Variants in SPART observed in about 807,000 individuals in gnomAD.
SPART encodes spartin.
SPART carries 35 observed loss-of-function variants against 58.7 expected under a neutral mutation model. The ratio of observed to expected loss-of-function variants is 0.60; its 90% confidence interval spans 0.46 to 0.79. The LOEUF is 0.79. Ranked by LOEUF, SPART falls within the 30% of genes least tolerant of loss-of-function variation. The probability of loss-of-function intolerance (pLI) is 0.00; values close to 1 mark genes in which losing one functional copy is unlikely to be tolerated. For synonymous variants in SPART, 284 were observed against 280.7 expected, an observed-to-expected ratio of 1.01 and a Z score of -0.12; for missense variants, 730 against 786.1, an observed-to-expected ratio of 0.93 and a Z score of 0.85.
intron 1 of SPART, among the ~76,000 whole-genome samples, chr13:36,339,057 A>C (rs550613418): frequency 1.3e-5 from 2 of 152,216 alleles, no homozygotes; most frequent in East Asian, 3.9e-4. Flanking sequence ...AGAGCAATGT[A>C]ATTTGGTTGA....
intron 1 of SPART, among the ~76,000 whole-genome samples, chr13:36,353,702 TA>T (rs1885510678): frequency 6.6e-6 from 1 of 152,178 alleles, no homozygotes; most frequent in South Asian, 2.1e-4. Flanking sequence ...ACCAGAACTG[TA>T]ATTAGGAAAG....
intron 1 of SPART, among the ~76,000 whole-genome samples, chr13:36,339,884 TAGTG>T (rs1884411041): frequency 1.3e-5 from 2 of 151,676 alleles, no homozygotes; most frequent in African/African-American, 4.8e-5. Flanking sequence ...CTGGGCAACA[TAGTG>T]AGACCAGCTC....
intron 1 of SPART, among the ~76,000 whole-genome samples, chr13:36,367,155 A>G (rs1327487785): frequency 1.3e-5 from 2 of 152,150 alleles, no homozygotes; most frequent in Non-Finnish European, 2.9e-5. Context: ...CATCTCCGGA[A>G]AAGTTTCTTG....
intron 1 of SPART, among the ~76,000 whole-genome samples, chr13:36,342,518 T>C (rs1884677129): frequency 1.3e-5 from 2 of 152,282 alleles, no homozygotes; most frequent in South Asian, 2.1e-4. Context: ...AAATCAGGGT[T>C]TCTCAGTCTT....
intron 1 of SPART, chr13:36,365,481 G>T: frequency 5.8e-6 from 2 of 344,012 alleles, no homozygotes; most frequent in South Asian, 4.8e-5. Context: ...CATTTTGTTT[G>T]TTTTTGCAAA....
chr13:36,307,172 T>C (rs569320644), intron 8 of SPART, among the ~76,000 whole-genome samples: 133 of 152,240 alleles, frequency 8.7e-4, no homozygotes, highest in Non-Finnish European at 1.4e-3. Context: ...TTAAACAAAT[T>C]TACTTTAATT....
upstream of SPART, among the ~76,000 whole-genome samples, chr13:36,346,996 A>G (rs532105065): frequency 1.3e-5 from 2 of 152,352 alleles, no homozygotes; most frequent in African/African-American, 4.8e-5. Context: ...GTGTGTGTGT[A>G]AAGTCTATAT....
intron 8 of SPART, among the ~76,000 whole-genome samples, chr13:36,311,825 C>T (rs895839390): frequency 3.9e-5 from 6 of 152,056 alleles, no homozygotes; most frequent in Admixed American, 1.3e-4. Context: ...TGGTGGCTTA[C>T]GCCTGTAATC....
chr13:36,330,887 A>T (rs1210675293), intron 3 of SPART, among the ~76,000 whole-genome samples: 1 of 152,198 alleles, frequency 6.6e-6, no homozygotes, highest in African/African-American at 2.4e-5. Flanking sequence ...TCAGAATGCC[A>T]ACCATACCCC....
intron 8 of SPART, 60 bp downstream of exon 8, chr13:36,312,085 C>G (rs1228306580): frequency 1.3e-6 from 2 of 1,529,682 alleles, no homozygotes; most frequent in Non-Finnish European, 1.8e-6. Flanking sequence ...AACTCCCTCT[C>G]AGAAAAACAA....
At chr13:36,327,004 A>G (rs1593250525) in intron 4 of SPART, among the ~76,000 whole-genome samples, 1 of 152,280 alleles carries the variant, frequency 6.6e-6, no homozygotes, top group East Asian at 1.9e-4. Flanking sequence ...ATTTCCTTCA[A>G]ACAGATATCA....
intron 5 of SPART, among the ~76,000 whole-genome samples, chr13:36,322,117 G>C (rs774265439): frequency 6.6e-6 from 1 of 152,060 alleles, no homozygotes; most frequent in African/African-American, 2.4e-5. Flanking sequence ...CAGCCCACCT[G>C]CACCCAGGTG....
At chr13:36,330,893 A>G (rs1883394725) in intron 3 of SPART, among the ~76,000 whole-genome samples, 1 of 152,146 alleles carries the variant, frequency 6.6e-6, no homozygotes, top group East Asian at 1.9e-4. Flanking sequence ...TGCCAACCAT[A>G]CCCCTTAAAA....
intron 5 of SPART, chr13:36,326,242 G>A: frequency 2.9e-6 from 1 of 342,746 alleles, no homozygotes; most frequent in South Asian, 2.4e-5. Context: ...CTGAGGGACA[G>A]GGGTAGGGGG....
intron 5 of SPART, among the ~76,000 whole-genome samples, chr13:36,316,512 G>C (rs1881720480): frequency 6.6e-6 from 1 of 152,126 alleles, no homozygotes; most frequent in African/African-American, 2.4e-5. Flanking sequence ...ATTACCTTGT[G>C]AAAGTCCTTT....
Position 36,304,017 on chromosome 13 carries a change from A to G in SPART, c.*348T>C. 1 of 259,780 alleles carries G rather than the reference A, an allele frequency of 3.8e-6. No homozygotes were observed. Among genetic ancestry groups the G allele is most frequent in the Non-Finnish European group, 7.4e-6 (1 of 135,744 alleles). The allele number at this position is 259,780 out of a possible 1,614,324, so 16.1% of individuals were successfully genotyped here. ...TTTTTAAGCAAATATATAGTTTCCT[A>G]TTTGCCTTCTGAAAGACAGCAGATA... is the stretch of plus-strand genomic sequence containing the variant. On this transcript the variant is annotated 3_prime_UTR_variant, in exon 9 of 9. Coordinates refer to ENST00000438666, the MANE Select transcript of SPART (RefSeq NM_015087.5).
chr13:36,340,575 T>G (rs2137608216), intron 1 of SPART, among the ~76,000 whole-genome samples: 1 of 152,182 alleles, frequency 6.6e-6, no homozygotes, highest in East Asian at 1.9e-4. Flanking sequence ...TAAAAATAGC[T>G]TCTAAACCCA....
rs921705180 is a variant in SPART, at chr13:36,302,890, C to T, written c.*1475G>A. 8 of 152,138 alleles carry T rather than the reference C, an allele frequency of 5.3e-5. No individual in the cohort carries two copies. Among genetic ancestry groups the T allele is most frequent in the Non-Finnish European group, 8.8e-5 (6 of 67,998 alleles). 9.4% of individuals were successfully genotyped at this position (152,138 alleles called of 1,614,324 possible). A position where few individuals can be genotyped will look rare whatever the true frequency, so the allele number is the denominator to read the frequency against. On this transcript the variant is annotated 3_prime_UTR_variant, in exon 9 of 9. Coordinates refer to ENST00000438666, the MANE Select transcript of SPART (RefSeq NM_015087.5). ...CACTTCCCTCCCCATCCCTTCAATGCCTCCCAGCCTCTGGTAACCATCATT... is the reference window on the plus strand; with the variant it reads ...CACTTCCCTCCCCATCCCTTCAATGTCTCCCAGCCTCTGGTAACCATCATT...
intron 1 of SPART, among the ~76,000 whole-genome samples, chr13:36,343,705 A>C (rs935673200): frequency 6.6e-6 from 1 of 152,176 alleles, no homozygotes; most frequent in Non-Finnish European, 1.5e-5. Flanking sequence ...AAAATTTACT[A>C]TCTTTTGTTA....
Sources: allele counts gnomAD v4.1 joint callset (sites outside exome capture counted in the v4.1 genomes callset), GRCh38; gene constraint gnomAD v4.1.1; transcripts MANE v1.5; gene names NCBI Gene and HGNC (gene_info 2026-07-23, HGNC 2026-07-21).